Variants in PLPP1 observed in about 807,000 individuals in gnomAD.
The protein encoded by PLPP1 is phospholipid phosphatase 1, also known as lipid phosphate phosphohydrolase 1a.
Under a neutral mutation model 31.2 loss-of-function variants are expected in PLPP1, and 24 were observed. The observed-to-expected ratio is 0.77, with a 90% CI of 0.56 to 1.08. PLPP1 has a LOEUF of 1.08. Ranked by LOEUF, PLPP1 falls within the 50% of genes least tolerant of loss-of-function variation. The pLI is 0.00. For synonymous variants in PLPP1, 146 were observed against 126.3 expected (o/e 1.16, Z -1.05); for missense variants, 319 against 342.7 (o/e 0.93, Z 0.55).
intron 1 of PLPP1, among the ~76,000 whole-genome samples, chr5:55,507,327 A>T (rs1008374578): frequency 2.6e-5 from 4 of 152,242 alleles, no homozygotes; most frequent in African/African-American, 7.2e-5. Context: ...TACAGACTGA[A>T]GATGAATATC....
At chr5:55,478,621 G>A (rs1014387675) in intron 1 of PLPP1, among the ~76,000 whole-genome samples, 4 of 152,120 alleles carry the variant, frequency 2.6e-5, no homozygotes, top group Non-Finnish European at 4.4e-5. Flanking sequence ...TGGAGGATGA[G>A]GCACAGAGCA....
chr5:55,443,234 C>CACACACAT (rs1321515341), intron 3 of PLPP1, among the ~76,000 whole-genome samples: 34 of 124,898 alleles, frequency 2.7e-4, no homozygotes, highest in African/African-American at 8.9e-4. Context: ...CACACACACA[C>CACACACAT]ATATATATGA....
chr5:55,512,512 AAAAGAAAGAAAGAAAG>A (rs200128975), intron 1 of PLPP1, among the ~76,000 whole-genome samples: 4,681 of 36,580 alleles, frequency 0.13, 271 homozygotes, highest in Non-Finnish European at 0.16. Context: ...AAAAGAAAAG[AAAAGAAAGAAAGAAAG>A]AAAGAAAGAA....
chr5:55,521,909 T>C (rs1753677729), intron 1 of PLPP1, among the ~76,000 whole-genome samples: 1 of 152,192 alleles, frequency 6.6e-6, no homozygotes, highest in South Asian at 2.1e-4. Context: ...AGCTTTCTTC[T>C]CTACTCATTT....
At chr5:55,427,430 A>C (rs545775479) in intron 4 of PLPP1, among the ~76,000 whole-genome samples, 48 of 152,350 alleles carry the variant, frequency 3.2e-4, no homozygotes, top group African/African-American at 1.1e-3. Flanking sequence ...CAAGTTTAAG[A>C]ACCACTGGCT....
At chr5:55,493,008 G>A (rs1476048118) in intron 1 of PLPP1, among the ~76,000 whole-genome samples, 2 of 152,140 alleles carry the variant, frequency 1.3e-5, no homozygotes. Context: ...TACATGTTGT[G>A]TTCACGATAA....
At chr5:55,443,192 A>AAATATAT in intron 3 of PLPP1, among the ~76,000 whole-genome samples, 20 of 25,440 alleles carry the variant, frequency 7.9e-4, no homozygotes, top group South Asian at 4.9e-3. Flanking sequence ...AAAAAAAAAA[A>AAATATAT]ATATATATAT....
chr5:55,501,599 G>C (rs1215191033), intron 1 of PLPP1, among the ~76,000 whole-genome samples: 1 of 152,066 alleles, frequency 6.6e-6, no homozygotes, highest in African/African-American at 2.4e-5. Context: ...CCAACTCCTG[G>C]GTTCAAGCAA....
At chr5:55,460,546 T>C (rs7701019) in intron 3 of PLPP1, among the ~76,000 whole-genome samples, 130,662 of 152,236 alleles carry the variant, frequency 0.86, 56,489 homozygotes, top group South Asian at 0.92. Flanking sequence ...TGATGAACAA[T>C]TTGATGCCAA....
At chr5:55,481,071 TACC>T (rs1752658715) in intron 1 of PLPP1, among the ~76,000 whole-genome samples, 1 of 152,140 alleles carries the variant, frequency 6.6e-6, no homozygotes, top group African/African-American at 2.4e-5. Context: ...ACAAACCAAA[TACC>T]ACAAGAACAC....
chr5:55,491,712 G>A (rs1467611044), intron 1 of PLPP1, among the ~76,000 whole-genome samples: 1 of 151,846 alleles, frequency 6.6e-6, no homozygotes, highest in African/African-American at 2.4e-5. Context: ...ACAAAAATTA[G>A]CCAGGCATGG....
chr5:55,460,762 C>A (rs1392533476), intron 3 of PLPP1, among the ~76,000 whole-genome samples: 2 of 152,164 alleles, frequency 1.3e-5, no homozygotes, highest in African/African-American at 4.8e-5. Context: ...AGAAGGATCA[C>A]TTGAGCTCAG....
At chr5:55,490,291 C>G (rs1752862244) in intron 1 of PLPP1, among the ~76,000 whole-genome samples, 1 of 151,804 alleles carries the variant, frequency 6.6e-6, no homozygotes, top group African/African-American at 2.4e-5. Flanking sequence ...GCTGGGATTA[C>G]AGGCATGCGC....
chr5:55,532,997 C>A (rs1168923285), intron 1 of PLPP1, among the ~76,000 whole-genome samples: 1 of 150,058 alleles, frequency 6.7e-6, no homozygotes, highest in African/African-American at 2.5e-5. Context: ...TTGTGTTCCA[C>A]TTTCCTAAAC....
chr5:55,489,952 G>C (rs1752852299), intron 1 of PLPP1, among the ~76,000 whole-genome samples: 1 of 152,064 alleles, frequency 6.6e-6, no homozygotes, highest in African/African-American at 2.4e-5. Context: ...AATGACAATG[G>C]CAAGATTTAG....
chr5:55,435,397 A>G (rs1751468295), intron 4 of PLPP1, among the ~76,000 whole-genome samples: 1 of 83,792 alleles, frequency 1.2e-5, no homozygotes, highest in South Asian at 5.9e-4. Context: ...AAAGGTATTA[A>G]TACAAGAGAT....
At chr5:55,522,819 C>T (rs909094444) in intron 1 of PLPP1, among the ~76,000 whole-genome samples, 1 of 151,952 alleles carries the variant, frequency 6.6e-6, no homozygotes, top group Non-Finnish European at 1.5e-5. Flanking sequence ...CCTGGGTTCA[C>T]GCCATTCTCC....
intron 1 of PLPP1, among the ~76,000 whole-genome samples, chr5:55,494,296 G>C (rs10062627): frequency 0.91 from 138,351 of 152,066 alleles, 63,176 homozygotes; most frequent in African/African-American, 0.97. Context: ...ATAGGATGCA[G>C]AGAAGAATGT....
At chr5:55,446,444 CA>C (rs753331697) in intron 3 of PLPP1, among the ~76,000 whole-genome samples, 3 of 152,160 alleles carry the variant, frequency 2.0e-5, no homozygotes, top group Non-Finnish European at 4.4e-5. Flanking sequence ...CTTCATCCCA[CA>C]TCATATTTTC....
Sources: allele counts gnomAD v4.1 joint callset (sites outside exome capture counted in the v4.1 genomes callset), GRCh38; gene constraint gnomAD v4.1.1; transcripts MANE v1.5; gene names NCBI Gene and HGNC (gene_info 2026-07-23, HGNC 2026-07-21).